Variants in RBFOX1 observed in about 807,000 individuals in gnomAD.
RBFOX1 encodes the protein RNA binding protein fox-1 homolog 1.
In RBFOX1, 8 loss-of-function variants were observed where a neutral mutation model predicts 57.7. The ratio of observed to expected loss-of-function variants is 0.14; its 90% CI spans 0.08 to 0.25. The LOEUF (loss-of-function observed/expected upper bound fraction) is 0.25, where lower values mean the gene tolerates loss of function less well. Ranked by LOEUF, RBFOX1 falls within the 10% of genes least tolerant of loss-of-function variation. RBFOX1 has a pLI of 1.00. For missense variants in RBFOX1, 611 were observed against 548.5 expected (o/e 1.11, Z -1.14); for synonymous variants, 326 against 222.4 (o/e 1.47, Z -4.15).
rs191574899 is a variant in RBFOX1, at chr16:7,670,788, T to C, written c.930+5820T>C. Among the ~76,000 whole-genome samples the C allele has an allele frequency of 2.0e-4, 31 of 152,252 alleles. No homozygotes were observed. The East Asian group carries it at 3.9e-3, about 19-fold the overall frequency. ...AGCCATCTCAGTGTCTGCCCTAGAA[T>C]TGGAGAATTTTATTTCAAACTGTGA... On this transcript the variant is annotated intron_variant, in intron 13 of 15. Coordinates refer to ENST00000550418, the MANE Select transcript of RBFOX1 (RefSeq NM_018723.4).
At chr16:6,594,297 C>A (rs886559278) in intron 2 of RBFOX1, among the ~76,000 whole-genome samples, 1 of 152,190 alleles carries the variant, frequency 6.6e-6, no homozygotes, top group African/African-American at 2.4e-5. Context: ...GACAGCCATA[C>A]TTCCCATGAC....
chr16:5,301,635 A>C (rs112935524), intron 1 of RBFOX1, among the ~76,000 whole-genome samples: 7 of 141,950 alleles, frequency 4.9e-5, no homozygotes, highest in Non-Finnish European at 7.4e-5. Flanking sequence ...AAAAAAAAAA[A>C]AAACACACAA....
chr16:6,830,860 C>T (rs936319044), intron 3 of RBFOX1, among the ~76,000 whole-genome samples: 2 of 152,076 alleles, frequency 1.3e-5, no homozygotes, highest in African/African-American at 4.8e-5. Flanking sequence ...TAAAATTATT[C>T]AAGATAGTAA....
At chr16:7,403,697 C>G (rs1037251832) in intron 4 of RBFOX1, among the ~76,000 whole-genome samples, 4 of 151,582 alleles carry the variant, frequency 2.6e-5, no homozygotes, top group Non-Finnish European at 5.9e-5. Flanking sequence ...CAGGCACCTG[C>G]CACTACTCCA....
chr16:7,221,169 T>C (rs1382139027), intron 4 of RBFOX1, among the ~76,000 whole-genome samples: 5 of 152,106 alleles, frequency 3.3e-5, no homozygotes, highest in Non-Finnish European at 1.5e-5. Flanking sequence ...TCCCTGTGTA[T>C]TTTAGAGAGT....
chr16:7,350,233 T>C (rs916507748), intron 4 of RBFOX1, among the ~76,000 whole-genome samples: 1 of 152,076 alleles, frequency 6.6e-6, no homozygotes, highest in Non-Finnish European at 1.5e-5. Context: ...TCAGATCTGA[T>C]TGACAAGTAG....
chr16:6,098,646 T>A (rs2096271748), intron 1 of RBFOX1, among the ~76,000 whole-genome samples: 1 of 152,252 alleles, frequency 6.6e-6, no homozygotes, highest in African/African-American at 2.4e-5. Flanking sequence ...TTTCTCTGCA[T>A]GCCTTCAGAG....
intron 2 of RBFOX1, among the ~76,000 whole-genome samples, chr16:5,551,937 A>C (rs2045482003): frequency 6.6e-6 from 1 of 152,128 alleles, no homozygotes; most frequent in Non-Finnish European, 1.5e-5. Context: ...GATGGTTTCC[A>C]GCTTCATCCG....
In RBFOX1 at chr16:6,019,485, G is replaced by A. The variant is rs1326942429; in HGVS notation, c.-634G>A. ...CGCGGAGGGGAATCCCTCCCCCTCCGCCCCAGCCCCCCAGCAGCACCCGCG... is the reference window on the plus strand; with the variant it reads ...CGCGGAGGGGAATCCCTCCCCCTCCACCCCAGCCCCCCAGCAGCACCCGCG... On this transcript the variant is annotated 5_prime_UTR_variant, in exon 1 of 16. Transcript: ENST00000550418. This position sits in a 1 kb window ranked among gnomAD's most constrained non-coding sequence, Gnocchi z 4.2. 5.9e-6 allele frequency: 6 copies of A among 1,008,476 alleles called. No individual in the cohort carries two copies. The highest frequency in any genetic ancestry group is 7.1e-6 in the Non-Finnish European group (6 of 845,592). 62.5% of individuals were successfully genotyped at this position (1,008,476 alleles called of 1,614,324 possible).
At chr16:7,439,041 A>G (rs560754719) in intron 4 of RBFOX1, among the ~76,000 whole-genome samples, 117 of 152,304 alleles carry the variant, frequency 7.7e-4, no homozygotes, top group African/African-American at 2.8e-3. Flanking sequence ...AAACCACCGC[A>G]CTTTGTTTTG....
chr16:7,592,352 C>G (rs987192914), intron 7 of RBFOX1, among the ~76,000 whole-genome samples: 3 of 152,224 alleles, frequency 2.0e-5, no homozygotes, highest in Admixed American at 6.5e-5. Context: ...CCACCTTTGT[C>G]TTTCCTAAAC....
Position 6,917,922 on chromosome 16 carries a change from C to G in RBFOX1, c.-15-134135C>G, listed in dbSNP as rs113178004. ...GACAATGGAGACCTGGGTATTATCCCTTTAGGGTGTTCTTACTCAACCTAA... is the reference window on the plus strand; with the variant it reads ...GACAATGGAGACCTGGGTATTATCCGTTTAGGGTGTTCTTACTCAACCTAA... On this transcript the variant is annotated intron_variant, in intron 3 of 15. Transcript: ENST00000550418. 1.6e-3 allele frequency among the ~76,000 whole-genome samples: 251 copies of G among 152,252 alleles called. 1 individual carries two copies. Among genetic ancestry groups the G allele is most frequent in the African/African-American group, 5.6e-3 (233 of 41,556 alleles).
intron 2 of RBFOX1, among the ~76,000 whole-genome samples, chr16:6,389,208 T>G (rs1400745484): frequency 2.0e-5 from 3 of 152,182 alleles, no homozygotes; most frequent in Non-Finnish European, 4.4e-5. Context: ...TCTTTTCTCC[T>G]TCATAGAGCC....
intron 3 of RBFOX1, among the ~76,000 whole-genome samples, chr16:5,831,452 C>G (rs565706709): frequency 4.8e-5 from 7 of 146,592 alleles, no homozygotes; most frequent in African/African-American, 1.5e-4. Flanking sequence ...GAACTGTAAG[C>G]CAATTAAACC....
intron 2 of RBFOX1, among the ~76,000 whole-genome samples, chr16:5,502,959 C>A (rs1832581204): frequency 6.6e-6 from 1 of 152,254 alleles, no homozygotes; most frequent in South Asian, 2.1e-4. Context: ...ACAACGATTG[C>A]TTGGATCATT....
intron 4 of RBFOX1, among the ~76,000 whole-genome samples, chr16:7,508,117 G>T (rs920190276): frequency 2.5e-4 from 38 of 151,964 alleles, no homozygotes; most frequent in African/African-American, 9.2e-4. Flanking sequence ...CTCCAAAGTA[G>T]CTGGGATTAC....
At chr16:7,706,047 G>A (rs59325236) in intron 14 of RBFOX1, among the ~76,000 whole-genome samples, 16,505 of 152,064 alleles carry the variant, frequency 0.11, 964 homozygotes, top group African/African-American at 0.12. Flanking sequence ...GCTGTGCTCT[G>A]TCTCCGGGCT....
intron 4 of RBFOX1, among the ~76,000 whole-genome samples, chr16:7,080,658 A>G (rs1247265923): frequency 6.6e-6 from 1 of 152,088 alleles, no homozygotes; most frequent in African/African-American, 2.4e-5. Flanking sequence ...TTCTAGCTGC[A>G]TGCTGCCATT....
At chr16:7,181,515 C>A (rs188603925) in intron 4 of RBFOX1, among the ~76,000 whole-genome samples, 1 of 151,504 alleles carries the variant, frequency 6.6e-6, no homozygotes, top group Non-Finnish European at 1.5e-5. Flanking sequence ...TCTTCCCTCC[C>A]TCCCTCTTCC....
Sources: allele counts gnomAD v4.1 joint callset (sites outside exome capture counted in the v4.1 genomes callset), GRCh38; gene constraint gnomAD v4.1.1; non-coding constraint Gnocchi (gnomAD v3.1); transcripts MANE v1.5; gene names NCBI Gene and HGNC (gene_info 2026-07-23, HGNC 2026-07-21).